SETD1A: variants seen among roughly 807,000 people sequenced by gnomAD.
SETD1A encodes the protein SET domain containing 1A, histone lysine methyltransferase, also known as histone-lysine N-methyltransferase SETD1A.
A neutral mutation model predicts 149.9 loss-of-function variants in SETD1A; 29 were observed. The ratio of observed to expected loss-of-function variants is 0.19; its 90% CI spans 0.14 to 0.26. SETD1A has a LOEUF of 0.26. Among genes scored for constraint, SETD1A ranks in the 10% least tolerant of loss-of-function variants. SETD1A has a pLI of 1.00. For missense variants in SETD1A, 2,109 were observed against 2,353.1 expected (o/e 0.90, Z 2.15); for synonymous variants, 1,141 against 968.5 (o/e 1.18, Z -3.31).
intron 3 of SETD1A, among the ~76,000 whole-genome samples, chr16:30,960,428 C>T (rs1226925437): frequency 6.6e-6 from 1 of 152,190 alleles, no homozygotes; most frequent in Non-Finnish European, 1.5e-5. Context: ...TGTTAATCCC[C>T]AAATCTCAGT....
Position 30,964,681 on chromosome 16 carries a change from C to G in SETD1A, c.939C>G (p.His313Gln). The G allele has an allele frequency of 6.2e-7, 1 of 1,614,140 alleles. No individual in the cohort carries two copies. The highest frequency in any genetic ancestry group is 8.5e-7 in the Non-Finnish European group (1 of 1,180,042). ...ACCAAGATGCCTTTTCCCGCCGCCACTTCTCTGCATCTTCAGCCTCCACAA... is the reference window on the plus strand; with the variant it reads ...ACCAAGATGCCTTTTCCCGCCGCCAGTTCTCTGCATCTTCAGCCTCCACAA... Reference protein sequence around the residue: ...NSYQDAFSRRHFSASSASTTA... With the variant: ...NSYQDAFSRRQFSASSASTTA... The change falls in exon 7 of 19, where the codon CAC becomes CAG. Residue 313 changes from histidine to glutamine, a missense_variant. Around this residue, in one of 8 missense-constraint regions of SETD1A, gnomAD observed 410 missense variants for 394.8 expected, o/e 1.04. Transcript: ENST00000262519.
chr16:30,966,309 C>T lies in SETD1A; in HGVS notation c.2428C>T (p.Leu810Phe). ...GATGAAGAGCATCATGCAGCGAGAC[C>T]TCAACCGCAAGATGGTGGAGAACGT... ...QEMKSIMQRD[L>F]NRKMVENVAF... The change falls in exon 8 of 19, where the codon CTC (leucine) becomes TTC (phenylalanine). Residue 810 changes from leucine to phenylalanine, a missense_variant. Physicochemically the swap from Leu to Phe is conservative, Grantham distance 22 (BLOSUM62 0). Around this residue, in one of 8 missense-constraint regions of SETD1A, gnomAD observed 22 missense variants for 51.3 expected, o/e 0.43. Transcript: ENST00000262519. The T allele has an allele frequency of 6.2e-7, 1 of 1,613,904 alleles. No homozygotes were observed.
intron 10 of SETD1A, among the ~76,000 whole-genome samples, chr16:30,967,994 C>T (rs1369959629): frequency 6.6e-6 from 1 of 152,182 alleles, no homozygotes; most frequent in African/African-American, 2.4e-5. Context: ...TGAGTCAGAT[C>T]TGCTTCCCTG....
Position 30,980,852 on chromosome 16 carries a change from G to A in SETD1A, c.4692+3G>A, listed in dbSNP as rs936223791. The stretch of plus-strand genomic sequence containing the variant: ...TGCTGAAACTCAACCAGCTCAAGGT[G>A]AGGCTGGGCTGCAGGAGGGGCTGGG... On this transcript the variant is annotated splice_donor_region_variant and intron_variant, in intron 16 of 18. Transcript: ENST00000262519. This position sits in a 1 kb window ranked among gnomAD's most constrained non-coding sequence, Gnocchi z 7.7. 5.0e-6 allele frequency: 8 copies of A among 1,589,726 alleles called. No homozygotes were observed. The Admixed American group carries it at 1.2e-4, about 23-fold the overall frequency.
intron 2 of SETD1A, 33 bp from the exon 3 acceptor site, chr16:30,959,058 G>A (rs1285303632): frequency 3.2e-5 from 50 of 1,546,006 alleles, no homozygotes; most frequent in Non-Finnish European, 4.3e-5. Context: ...GATTCACCCT[G>A]AGCTCTCTTT....
Position 30,979,991 on chromosome 16 carries a change from G to GCCCGCCC in SETD1A, c.4208_4209insGCCCCCC (p.Pro1406SerfsTer17). ...CTCCGCTCCCACGCCCGGCGCCGCC[G>GCCCGCCC]CCCTCCGCCCCCACCCCCGCCGCCA... On this transcript the variant is annotated frameshift_variant, in exon 14 of 19. Transcript: ENST00000262519. LOFTEE classifies it high-confidence loss of function. The GCCCGCCC allele has an allele frequency of 7.8e-7, 1 of 1,279,666 alleles. No homozygotes were observed. Among genetic ancestry groups the GCCCGCCC allele is most frequent in the Non-Finnish European group, 1.0e-6 (1 of 969,376 alleles). The allele number at this position is 1,279,666 out of a possible 1,614,324, so 79.3% of individuals were successfully genotyped here. A position where few individuals can be genotyped will look rare whatever the true frequency, so the allele number is the denominator to read the frequency against.
chr16:30,971,400 G>T lies in SETD1A; in HGVS notation c.3039G>T (p.Ser1013=), dbSNP rs745753391. 1.9e-5 allele frequency: 30 copies of T among 1,590,588 alleles called. 1 individual carries two copies. The Admixed American group carries it at 5.1e-4, about 27-fold the overall frequency. The change falls in exon 13 of 19, where the codon TCG becomes TCT. Residue 1013 remains serine, a synonymous_variant. Coordinates refer to ENST00000262519, the MANE Select transcript of SETD1A (RefSeq NM_014712.3). ...VSDGEDEESD[S]SSKCSLYADS... ...CAGGCGAGGACGAGGAAAGCGATTC[G>T]TCTTCCAAATGTTCTCTGTATGCTG...
In SETD1A at chr16:30,980,412, G is replaced by A. The variant is rs536835503; in HGVS notation, c.4409-73G>A. 1.3e-6 allele frequency: 2 copies of A among 1,536,740 alleles called. No individual in the cohort carries two copies. The highest frequency in any genetic ancestry group is 1.9e-5 in the Admixed American group (1 of 51,378). On this transcript the variant is annotated intron_variant, in intron 14 of 18. Coordinates refer to ENST00000262519, the MANE Select transcript of SETD1A (RefSeq NM_014712.3). The surrounding 1 kb of genome is among the most constrained non-coding windows in gnomAD (Gnocchi z 7.7). The stretch of plus-strand genomic sequence containing the variant: ...CTCACCTGGGTATGCTCAGCGGCGT[G>A]GGCCCCGCCCTCTCCTTTGGCTGGG...
intron 13 of SETD1A, among the ~76,000 whole-genome samples, chr16:30,973,428 C>G (rs745880746): frequency 6.6e-6 from 1 of 152,032 alleles, no homozygotes; most frequent in Non-Finnish European, 1.5e-5. Context: ...CCGAGGCGGG[C>G]AGATCACTTG....
Position 30,980,032 on chromosome 16 carries a change from G to T in SETD1A, c.4246G>T (p.Glu1416Ter). ...PPPPPPPRAY[E>*]PRSEFEQMTI... Reference sequence around the variant, plus strand: ...CCCGCCGCCACCGCCCCGCGCCTACGAGCCACGCAGTGAGTTTGAACAGAT... The same window carrying T: ...CCCGCCGCCACCGCCCCGCGCCTACTAGCCACGCAGTGAGTTTGAACAGAT... Residue 1416 changes from glutamate to a stop codon, truncating the protein, a stop_gained, in exon 14 of 19, where the codon GAG becomes TAG. Coordinates refer to ENST00000262519, the MANE Select transcript of SETD1A (RefSeq NM_014712.3). LOFTEE classifies it high-confidence loss of function. This position sits in a 1 kb window ranked among gnomAD's most constrained non-coding sequence, Gnocchi z 7.7. 7.3e-7 allele frequency: 1 copy of T among 1,366,704 alleles called. No individual in the cohort carries two copies. The highest frequency in any genetic ancestry group is 9.7e-7 in the Non-Finnish European group (1 of 1,033,364). The allele number at this position is 1,366,704 out of a possible 1,614,324, so 84.7% of individuals were successfully genotyped here. A position where few individuals can be genotyped will look rare whatever the true frequency, so the allele number is the denominator to read the frequency against.
At chr16:30,968,932 C>T (rs1224598036) in intron 10 of SETD1A, among the ~76,000 whole-genome samples, 1 of 152,112 alleles carries the variant, frequency 6.6e-6, no homozygotes, top group Non-Finnish European at 1.5e-5. Flanking sequence ...TAGGTAGACC[C>T]TGTCTCTACA....
At position 30,965,842 on chromosome 16, in the gene SETD1A, C is replaced by G; in HGVS notation, c.1961C>G (p.Pro654Arg). Reference sequence around the variant, plus strand: ...TACCCCCCACCTCCTCCACCACCCCCGCACATCTATGACTTTGTGAACTCC... The same window carrying G: ...TACCCCCCACCTCCTCCACCACCCCGGCACATCTATGACTTTGTGAACTCC... ...PEYPPPPPPP[P>R]HIYDFVNSLE... The change falls in exon 8 of 19, where the codon CCG becomes CGG. Residue 654 changes from proline (P) to arginine (R), a missense_variant. Transcript: ENST00000262519. The G allele has an allele frequency of 1.2e-6, 2 of 1,610,656 alleles. No homozygotes were observed. The highest frequency in any genetic ancestry group is 1.1e-5 in the South Asian group (1 of 90,716).
rs1165578039 is a variant in SETD1A, at chr16:30,964,096, C to T, written c.642C>T (p.Ala214=). The T allele has an allele frequency of 1.2e-5, 20 of 1,611,616 alleles. No homozygotes were observed. Among genetic ancestry groups the T allele is most frequent in the South Asian group, 3.3e-5 (3 of 91,036 alleles). ...CTTGCCCTGCTCTGTCGCTCTAGGC[C>T]GAATCCCGCCGCCGCTCTTCCTCTG... ...FQGSGAATET[A]ESRRRSSSDT... is the part of the protein sequence containing the mutation. The change falls in exon 6 of 19, where the codon GCC becomes GCT. Residue 214 remains alanine, a splice_region_variant and synonymous_variant. Transcript: ENST00000262519.
At chr16:30,967,206 T>G (rs907598141) in intron 9 of SETD1A, 146 bp downstream of exon 9, 3 of 667,552 alleles carry the variant, frequency 4.5e-6, no homozygotes, top group African/African-American at 3.6e-5. Context: ...CAGGCTGGAG[T>G]GCAGTGGCCT....
At chr16:30,974,640 C>T (rs1172571426) in intron 13 of SETD1A, among the ~76,000 whole-genome samples, 1 of 152,114 alleles carries the variant, frequency 6.6e-6, no homozygotes, top group Non-Finnish European at 1.5e-5. Context: ...CAGACTGAAG[C>T]CAAGTTACAG....
chr16:30,979,947 C>T lies in SETD1A; in HGVS notation c.4161C>T (p.Gly1387=), dbSNP rs1180051959. Residue 1387 remains glycine (G), a synonymous_variant, in exon 14 of 19, where the codon GGC becomes GGT. Coordinates refer to ENST00000262519, the MANE Select transcript of SETD1A (RefSeq NM_014712.3). ...SDSSSSSDGE[G]ALRRRSLRSH... ...GCAGCAGCAGCAGCGATGGGGAGGGCGCCCTCCGGAGGCGCAGCCTCCGCT... is the reference window on the plus strand; with the variant it reads ...GCAGCAGCAGCAGCGATGGGGAGGGTGCCCTCCGGAGGCGCAGCCTCCGCT... 22 of 1,533,394 alleles carry T rather than the reference C, an allele frequency of 1.4e-5. 1 individual carries two copies. The highest frequency in any genetic ancestry group is 1.1e-4 in the South Asian group (9 of 83,532). 95.0% of individuals were successfully genotyped at this position (1,533,394 alleles called of 1,614,324 possible).
At position 30,964,216 on chromosome 16, in the gene SETD1A, A is replaced by T; in HGVS notation, c.762A>T (p.Gln254His). The T allele has an allele frequency of 6.2e-7, 1 of 1,614,088 alleles. No individual in the cohort carries two copies. The highest frequency in any genetic ancestry group is 8.5e-7 in the Non-Finnish European group (1 of 1,180,006). ...ACACAAGCTTCTCCAGCAGCCGACA[A>T]GATACCCCATCTTCCTTTGGCCAGT... Reference protein sequence around the residue: ...SQDTSFSSSRQDTPSSFGQFT... With the variant: ...SQDTSFSSSRHDTPSSFGQFT... The change falls in exon 6 of 19, where the codon CAA (glutamine) becomes CAT (histidine). Residue 254 changes from glutamine (Q) to histidine (H), a missense_variant. Transcript: ENST00000262519.
At position 30,965,440 on chromosome 16, in the gene SETD1A, C is replaced by T. The variant is rs770973901; in HGVS notation, c.1698C>T (p.Pro566=). The part of the protein sequence containing the change: ...SGEPGATRES[P]KANGQNQASP... ...AGCCAGGGGCTACCCGGGAGTCTCC[C>T]AAGGCAAATGGACAGAACCAGGTGA... The change falls in exon 7 of 19, where the codon CCC becomes CCT. Residue 566 remains proline (P), a synonymous_variant. Coordinates refer to ENST00000262519, the MANE Select transcript of SETD1A (RefSeq NM_014712.3). 2.3e-5 allele frequency: 37 copies of T among 1,599,154 alleles called. No homozygotes were observed. Among genetic ancestry groups the T allele is most frequent in the Non-Finnish European group, 2.6e-5 (30 of 1,169,392 alleles).
chr16:30,965,520 G>T, intron 7 of SETD1A, 59 bp downstream of exon 7: 1 of 1,589,672 alleles, frequency 6.3e-7, no homozygotes, highest in Non-Finnish European at 8.6e-7. Context: ...GTTGGGCCTA[G>T]GGGAGAGGGA....
Sources: allele counts gnomAD v4.1 joint callset (sites outside exome capture counted in the v4.1 genomes callset), GRCh38; gene constraint gnomAD v4.1.1; regional missense constraint gnomAD v4.1.1; non-coding constraint Gnocchi (gnomAD v3.1); transcripts MANE v1.5; gene names NCBI Gene and HGNC (gene_info 2026-07-23, HGNC 2026-07-21).